Variants in FAM181A observed in about 807,000 individuals in gnomAD.
FAM181A encodes family with sequence similarity 181 member A, also known as protein FAM181A.
FAM181A carries 7 observed loss-of-function variants against 16.3 expected under a neutral mutation model. The observed-to-expected ratio is 0.43, with a 90% CI of 0.24 to 0.81. The LOEUF (loss-of-function observed/expected upper bound fraction) is 0.81, where lower values mean the gene tolerates loss of function less well. Among genes scored for constraint, FAM181A ranks in the 30% least tolerant of loss-of-function variants. FAM181A has a pLI of 0.24. For missense variants in FAM181A, 349 were observed against 377.5 expected (o/e 0.92, Z 0.63); for synonymous variants, 183 against 164.9 (o/e 1.11, Z -0.84).
Position 93,929,519 on chromosome 14 carries a change from C to A in FAM181A, c.*355C>A. On this transcript the variant is annotated 3_prime_UTR_variant, in exon 2 of 2. Coordinates refer to ENST00000556222, the MANE Select transcript of FAM181A (RefSeq NM_001207073.2). ...GTTTACCTGCCACCCACTCTGCGAG[C>A]CAATCTCAGTTGTTGTTCTTGTTCT... The A allele has an allele frequency of 3.3e-6, 1 of 305,750 alleles. No individual in the cohort carries two copies. Among genetic ancestry groups the A allele is most frequent in the Non-Finnish European group, 6.0e-6 (1 of 166,578 alleles). The allele number at this position is 305,750 out of a possible 1,614,324, so 18.9% of individuals were successfully genotyped here. A position where few individuals can be genotyped will look rare whatever the true frequency, so the allele number is the denominator to read the frequency against.
At chr14:93,927,308 C>T (rs928978328), upstream of FAM181A, 19 of 1,051,156 alleles carry the variant, frequency 1.8e-5, no homozygotes, top group South Asian at 8.2e-5. Context: ...CCCCCAGCTC[C>T]GGGGAGTTGT....
chr14:93,921,375 C>T (rs1339507874), intron 1 of FAM181A, among the ~76,000 whole-genome samples: 1 of 152,160 alleles, frequency 6.6e-6, no homozygotes, highest in Non-Finnish European at 1.5e-5. Context: ...TGTGACTACT[C>T]TGGGGCATTA....
rs142299390 is a variant in FAM181A, at chr14:93,928,454, C to G, written c.169C>G (p.Arg57Gly). 6.2e-7 allele frequency: 1 copy of G among 1,611,816 alleles called. No individual in the cohort carries two copies. The highest frequency in any genetic ancestry group is 8.5e-7 in the Non-Finnish European group (1 of 1,178,384). ...CTCCCAGAAGTATTCCCGGCTCCCGCGGGGCCTTCCTGGCAGAGCTGCTGA... is the reference window on the plus strand; with the variant it reads ...CTCCCAGAAGTATTCCCGGCTCCCGGGGGGCCTTCCTGGCAGAGCTGCTGA... ...RFSQKYSRLP[R>G]GLPGRAAEPY... is the part of the protein sequence containing the mutation. The change falls in exon 2 of 2, where the codon CGG becomes GGG. Residue 57 changes from arginine (R) to glycine (G), a missense_variant. Coordinates refer to ENST00000556222, the MANE Select transcript of FAM181A (RefSeq NM_001207073.2).
At chr14:93,925,383 T>G (rs1263705492), upstream of FAM181A, 1 of 1,609,806 alleles carries the variant, frequency 6.2e-7, no homozygotes, top group Non-Finnish European at 8.5e-7. Context: ...GGTTACGTAG[T>G]CAGATGCCAG....
chr14:93,919,707 G>C (rs1235103130), intron 1 of FAM181A, among the ~76,000 whole-genome samples: 1 of 152,156 alleles, frequency 6.6e-6, no homozygotes, highest in Non-Finnish European at 1.5e-5. Context: ...TGCCGAGAAA[G>C]TCCCACATAG....
chr14:93,927,060 A>ACACACACACACACCCC (rs143090510), upstream of FAM181A: 41 of 154,188 alleles, frequency 2.7e-4, no homozygotes, highest in Non-Finnish European at 4.3e-4. Context: ...ACACACACAC[A>ACACACACACACACCCC]CCCCACCCCC....
chr14:93,928,086 A>G, intron 1 of FAM181A, 113 bp from the exon 2 acceptor site: 1 of 1,486,078 alleles, frequency 6.7e-7, no homozygotes, highest in Non-Finnish European at 9.0e-7. Context: ...GACTCTGTTT[A>G]GGGCTGAGAG....
chr14:93,928,605 A>C lies in FAM181A; in HGVS notation c.320A>C (p.Glu107Ala). 2 of 1,613,840 alleles carry C rather than the reference A, an allele frequency of 1.2e-6. No homozygotes were observed. Among genetic ancestry groups the C allele is most frequent in the Non-Finnish European group, 1.7e-6 (2 of 1,179,954 alleles). The stretch of plus-strand genomic sequence containing the variant: ...GTGCTGAGGAACCCCTACAGGGAGG[A>C]ATGTCTTGCTAAGGAGCAGCTCCCA... ...EKVLRNPYRE[E>A]CLAKEQLPQR... is the part of the protein sequence containing the mutation. Residue 107 changes from glutamate (E) to alanine (A), a missense_variant, in exon 2 of 2, where the codon GAA (glutamate) becomes GCA (alanine). Transcript: ENST00000556222.
intron 1 of FAM181A, 91 bp from the exon 2 acceptor site, chr14:93,928,108 G>A: frequency 6.5e-7 from 1 of 1,538,398 alleles, no homozygotes; most frequent in Non-Finnish European, 8.7e-7. Flanking sequence ...TGCTGGGGTG[G>A]GGAGACTGTT....
At chr14:93,925,639 G>T (rs1887876703), upstream of FAM181A, among the ~76,000 whole-genome samples, 1 of 151,930 alleles carries the variant, frequency 6.6e-6, no homozygotes, top group South Asian at 2.1e-4. Flanking sequence ...CCCATGCAAA[G>T]GTTGCCGCAG....
Position 93,928,951 on chromosome 14 carries a change from C to T in FAM181A, c.666C>T (p.Pro222=), listed in dbSNP as rs756344625. The part of the protein sequence containing the change: ...SCCPFQYHGQ[P]IYPGPLGALP... The stretch of plus-strand genomic sequence containing the variant: ...GCCCCTTCCAGTACCATGGACAGCC[C>T]ATCTATCCGGGCCCCCTGGGGGCAC... Residue 222 remains proline, a synonymous_variant, in exon 2 of 2, where the codon CCC becomes CCT. Coordinates refer to ENST00000556222, the MANE Select transcript of FAM181A (RefSeq NM_001207073.2). 9 of 1,613,940 alleles carry T rather than the reference C, an allele frequency of 5.6e-6. No homozygotes were observed. The highest frequency in any genetic ancestry group is 1.3e-5 in the African/African-American group (1 of 74,942).
At chr14:93,919,910 C>A (rs1887661123) in intron 1 of FAM181A, among the ~76,000 whole-genome samples, 1 of 150,516 alleles carries the variant, frequency 6.6e-6, no homozygotes. Context: ...GCCATGCCCT[C>A]AGAAAAAGAA....
Position 93,928,453 on chromosome 14 carries a change from G to T in FAM181A, c.168G>T (p.Pro56=), listed in dbSNP as rs764387512. 1.9e-6 allele frequency: 3 copies of T among 1,611,774 alleles called. No individual in the cohort carries two copies. The South Asian group carries it at 3.3e-5, about 18-fold the overall frequency. ...TCTCCCAGAAGTATTCCCGGCTCCC[G>T]CGGGGCCTTCCTGGCAGAGCTGCTG... ...KRFSQKYSRL[P]RGLPGRAAEP... Residue 56 remains proline (P), a synonymous_variant, in exon 2 of 2, where the codon CCG becomes CCT. Transcript: ENST00000556222.
intron 1 of FAM181A, among the ~76,000 whole-genome samples, chr14:93,920,965 G>A (rs531234576): frequency 2.0e-5 from 3 of 152,128 alleles, no homozygotes; most frequent in Admixed American, 6.5e-5. Context: ...GAGTGTAAGT[G>A]GGCTTACCTG....
At position 93,929,135 on chromosome 14, in the gene FAM181A, C is replaced by T. The variant is rs1888057445; in HGVS notation, c.850C>T (p.Pro284Ser). The change falls in exon 2 of 2, where the codon CCC becomes TCC. Residue 284 changes from proline to serine, a missense_variant. Transcript: ENST00000556222. ...CCCCACCAAGCCAGCCGTGCCCCCA[C>T]CCATCTTCAATGTCTTTGGCTACCT... ...PIPTKPAVPP[P>S]IFNVFGYL 6.6e-7 allele frequency: 1 copy of T among 1,521,096 alleles called. No homozygotes were observed. The highest frequency in any genetic ancestry group is 1.3e-5 in the South Asian group (1 of 75,902). The allele number at this position is 1,521,096 out of a possible 1,614,324, so 94.2% of individuals were successfully genotyped here. A position where few individuals can be genotyped will look rare whatever the true frequency, so the allele number is the denominator to read the frequency against.
At chr14:93,921,579 G>A (rs1442217747) in intron 1 of FAM181A, among the ~76,000 whole-genome samples, 1 of 152,244 alleles carries the variant, frequency 6.6e-6, no homozygotes, top group Non-Finnish European at 1.5e-5. Flanking sequence ...CTGCCATTAT[G>A]TAAGAGGTTA....
At chr14:93,923,875 G>A (rs998437525), upstream of FAM181A, 8 of 152,226 alleles carry the variant, frequency 5.3e-5, no homozygotes, top group Admixed American at 1.3e-4. Context: ...ACAATTCGTT[G>A]TCATGTAAGC....
chr14:93,925,957 G>A (rs1887890279), upstream of FAM181A, among the ~76,000 whole-genome samples: 1 of 152,020 alleles, frequency 6.6e-6, no homozygotes, highest in Non-Finnish European at 1.5e-5. Context: ...TGGAGGCCCT[G>A]GCTCTGCCCT....
rs779476039 is a variant in FAM181A, at chr14:93,928,605, A to G, written c.320A>G (p.Glu107Gly). The change falls in exon 2 of 2, where the codon GAA becomes GGA. Residue 107 changes from glutamate to glycine, a missense_variant. Coordinates refer to ENST00000556222, the MANE Select transcript of FAM181A (RefSeq NM_001207073.2). Reference protein sequence around the residue: ...EKVLRNPYREECLAKEQLPQR... With the variant: ...EKVLRNPYREGCLAKEQLPQR... Reference sequence around the variant, plus strand: ...GTGCTGAGGAACCCCTACAGGGAGGAATGTCTTGCTAAGGAGCAGCTCCCA... The same window carrying G: ...GTGCTGAGGAACCCCTACAGGGAGGGATGTCTTGCTAAGGAGCAGCTCCCA... 5.8e-5 allele frequency: 94 copies of G among 1,613,722 alleles called. No homozygotes were observed. In the Middle Eastern group the frequency reaches 8.2e-4, roughly 14 times the overall value.
Sources: allele counts gnomAD v4.1 joint callset (sites outside exome capture counted in the v4.1 genomes callset), GRCh38; gene constraint gnomAD v4.1.1; transcripts MANE v1.5; gene names NCBI Gene and HGNC (gene_info 2026-07-23, HGNC 2026-07-21).